DRC4: variants seen among roughly 807,000 people sequenced by gnomAD.
DRC4 encodes the protein dynein regulatory complex subunit 4, also known as GAS-11.
At chr16:90,036,007 GT>G in the DRC4 span, 1 of 1,001,284 alleles carries the variant, frequency 1.0e-6, no homozygotes, top group East Asian at 3.0e-5. Flanking sequence ...ATGGCTCCTG[GT>G]CTGAGAAGGC....
chr16:90,044,583 C>G, the DRC4 span: 1 of 471,228 alleles, frequency 2.1e-6, no homozygotes, highest in African/African-American at 2.0e-5. Context: ...AGGTGCCTGC[C>G]TTCATCTGGT....
chr16:90,044,126 C>G, the DRC4 span: 2 of 454,242 alleles, frequency 4.4e-6, no homozygotes, highest in Non-Finnish European at 4.4e-6. Context: ...GAGGGACACT[C>G]CACAGAAGCC....
chr16:90,043,200 A>G, the DRC4 span: 1 of 1,611,494 alleles, frequency 6.2e-7, no homozygotes, highest in Admixed American at 1.7e-5. Flanking sequence ...CCACAGGCCC[A>G]TAACGACCTG....
At chr16:90,042,977 G>A in the DRC4 span, 2 of 557,428 alleles carry the variant, frequency 3.6e-6, no homozygotes, top group Non-Finnish European at 6.3e-6. Context: ...CTCGTCATTT[G>A]TGGAATAGGA....
At chr16:90,029,266 T>G in the DRC4 span, 5 of 1,365,588 alleles carry the variant, frequency 3.7e-6, no homozygotes, top group Non-Finnish European at 4.9e-6. Context: ...CTCAGAAGGC[T>G]TCTTCAGGGT....
chr16:90,039,693 G>A, the DRC4 span: 1 of 161,784 alleles, frequency 6.2e-6, no homozygotes, highest in East Asian at 1.7e-4. Flanking sequence ...TGCTCAGGGT[G>A]TTCACTTTTT....
chr16:90,038,188 G>A, the DRC4 span, among the ~76,000 whole-genome samples: 6 of 152,236 alleles, frequency 3.9e-5, no homozygotes, highest in African/African-American at 1.2e-4. Flanking sequence ...GCTCACCTCT[G>A]AAAGCACATG....
chr16:90,038,808 A>G, the DRC4 span, among the ~76,000 whole-genome samples: 1 of 152,192 alleles, frequency 6.6e-6, no homozygotes, highest in African/African-American at 2.4e-5. Context: ...TCTGTCCCTT[A>G]AAGACGCTCC....
chr16:90,032,701 C>G, the DRC4 span: 7 of 1,612,772 alleles, frequency 4.3e-6, no homozygotes, highest in Non-Finnish European at 5.9e-6. Context: ...GCAGATGGTA[C>G]TCCCATTGCC....
the DRC4 span, chr16:90,020,026 C>T: frequency 1.4e-6 from 1 of 696,926 alleles, no homozygotes; most frequent in South Asian, 1.5e-5. Flanking sequence ...AACTGACCCC[C>T]ATGTCCCTAT....
At chr16:90,041,122 C>T in the DRC4 span, among the ~76,000 whole-genome samples, 1 of 152,216 alleles carries the variant, frequency 6.6e-6, no homozygotes, top group Admixed American at 6.5e-5. Flanking sequence ...GGGCTGCACC[C>T]AGCCTGCTGC....
the DRC4 span, chr16:90,022,718 C>T: frequency 6.4e-6 from 9 of 1,415,994 alleles, no homozygotes; most frequent in Admixed American, 7.6e-5. Flanking sequence ...TGTCCGCTGG[C>T]GTCATGGTGA....
the DRC4 span, chr16:90,040,349 A>G: frequency 1.0e-4 from 162 of 1,605,912 alleles, no homozygotes; most frequent in Admixed American, 1.0e-3. Flanking sequence ...GCAGCCATCC[A>G]GGAGGTGCAG....
chr16:90,044,507 C>G, the DRC4 span: 2 of 471,204 alleles, frequency 4.2e-6, no homozygotes, highest in Admixed American at 4.7e-5. Context: ...CTCACCTCCA[C>G]ATGTGGGTAG....
At chr16:90,022,673 G>T in the DRC4 span, 9 of 1,420,170 alleles carry the variant, frequency 6.3e-6, no homozygotes, top group Admixed American at 1.3e-4. Context: ...GGCTTCCGGG[G>T]GCGGGCGCCC....
At chr16:90,022,523 A>G in the DRC4 span, 12 of 502,412 alleles carry the variant, frequency 2.4e-5, no homozygotes, top group Non-Finnish European at 4.0e-5. Flanking sequence ...ACATTTTCCC[A>G]ACGTTCACAA....
the DRC4 span, among the ~76,000 whole-genome samples, chr16:90,022,992 G>T: frequency 6.6e-6 from 1 of 152,172 alleles, no homozygotes; most frequent in Non-Finnish European, 1.5e-5. Context: ...AGGGCCCGGG[G>T]TCGGCGGCGC....
chr16:90,033,934 CAGG>C, the DRC4 span, among the ~76,000 whole-genome samples: 1 of 145,838 alleles, frequency 6.9e-6, no homozygotes, highest in Non-Finnish European at 1.5e-5. Context: ...TCAGAGTGAC[CAGG>C]AGGAGACTGT....
chr16:90,042,602 G>A, the DRC4 span: 2,840 of 1,354,428 alleles, frequency 2.1e-3, 2 homozygotes, highest in Non-Finnish European at 2.5e-3. Context: ...AAATGCAGAC[G>A]GTCTCTGAGG....
Sources: gnomAD v4.1 joint callset for allele counts (sites outside exome capture counted in the v4.1 genomes callset) on GRCh38, gnomAD v4.1.1 for gene constraint, MANE v1.5 for transcripts, NCBI Gene and HGNC (gene_info 2026-07-23, HGNC 2026-07-21) for gene names.